SKIC8: variants seen among roughly 807,000 people sequenced by gnomAD.
The protein encoded by SKIC8 is SKI8 subunit of superkiller complex.
chr15:78,287,284 A>G, the SKIC8 span, among the ~76,000 whole-genome samples: 2 of 151,754 alleles, frequency 1.3e-5, no homozygotes, highest in South Asian at 2.1e-4. Flanking sequence ...ATAACTCTAT[A>G]GAGACATCTT....
At chr15:78,294,678 T>C in the SKIC8 span, 7 of 414,936 alleles carry the variant, frequency 1.7e-5, no homozygotes, top group Non-Finnish European at 2.6e-5. Flanking sequence ...AGCTCCATCA[T>C]GTCTTCCTCA....
chr15:78,293,314 C>T, the SKIC8 span: 7 of 1,548,372 alleles, frequency 4.5e-6, no homozygotes, highest in African/African-American at 1.4e-5. Context: ...TTCTTGCATA[C>T]GACTTAATGA....
the SKIC8 span, chr15:78,289,651 A>G: frequency 6.2e-7 from 1 of 1,614,172 alleles, no homozygotes; most frequent in Non-Finnish European, 8.5e-7. Flanking sequence ...TCCAGTTGCA[A>G]TATCAAAAAT....
At chr15:78,288,947 A>T in the SKIC8 span, 1 of 451,922 alleles carries the variant, frequency 2.2e-6, no homozygotes, top group East Asian at 7.0e-5. Flanking sequence ...AGTTGTTTCC[A>T]ATCACAAAGT....
At chr15:78,292,458 A>G in the SKIC8 span, 1 of 739,276 alleles carries the variant, frequency 1.4e-6, no homozygotes, top group Admixed American at 2.4e-5. Flanking sequence ...TGCTGTTTCC[A>G]GCCCCACTGA....
chr15:78,286,384 C>A, the SKIC8 span: 1 of 400,946 alleles, frequency 2.5e-6, no homozygotes, highest in Non-Finnish European at 4.5e-6. Flanking sequence ...CCTTCACAAG[C>A]AAAGAGCTGA....
At chr15:78,295,572 A>C in the SKIC8 span, 1 of 1,535,366 alleles carries the variant, frequency 6.5e-7, no homozygotes, top group South Asian at 1.1e-5. Flanking sequence ...GGAGCCAGGC[A>C]AGAATGAGAT....
the SKIC8 span, among the ~76,000 whole-genome samples, chr15:78,287,164 T>C: frequency 6.6e-6 from 1 of 152,218 alleles, no homozygotes; most frequent in Non-Finnish European, 1.5e-5. Context: ...TCTGTGCTGC[T>C]ACCTCATTGG....
chr15:78,285,058 A>G, the SKIC8 span: 1 of 563,058 alleles, frequency 1.8e-6, no homozygotes, highest in Non-Finnish European at 3.2e-6. Context: ...GTGAGTTGCT[A>G]GGCTGACAGC....
At chr15:78,290,060 T>C in the SKIC8 span, 3 of 1,613,980 alleles carry the variant, frequency 1.9e-6, no homozygotes, top group African/African-American at 2.7e-5. Context: ...TGTGGCCAGA[T>C]ACTGGGAATC....
At chr15:78,286,227 T>C in the SKIC8 span, 99 of 1,083,292 alleles carry the variant, frequency 9.1e-5, no homozygotes, top group African/African-American at 1.4e-3. Context: ...GCCAATAAGC[T>C]GGACCAAATC....
chr15:78,288,197 T>C, the SKIC8 span: 4 of 1,345,132 alleles, frequency 3.0e-6, no homozygotes, highest in Non-Finnish European at 4.2e-6. Context: ...TGAGCACAGG[T>C]CTTTACTAGG....
At chr15:78,293,125 C>A in the SKIC8 span, 1 of 1,570,298 alleles carries the variant, frequency 6.4e-7, no homozygotes, top group South Asian at 1.1e-5. Flanking sequence ...AAACCTCAGC[C>A]CCCAATTTTC....
chr15:78,288,159 C>G, the SKIC8 span: 7 of 894,704 alleles, frequency 7.8e-6, no homozygotes, highest in Non-Finnish European at 1.0e-5. Flanking sequence ...GGAGGACCGC[C>G]TGGGGAGTCA....
chr15:78,291,363 T>C, the SKIC8 span: 2 of 152,186 alleles, frequency 1.3e-5, no homozygotes, highest in African/African-American at 4.8e-5. Flanking sequence ...ACCATGCTTA[T>C]ATATTGGAGT....
chr15:78,292,583 C>T, the SKIC8 span: 3 of 1,613,540 alleles, frequency 1.9e-6, no homozygotes, highest in Non-Finnish European at 2.5e-6. Context: ...AATCATGAAC[C>T]TCTATTATCT....
chr15:78,283,812 G>A, the SKIC8 span: 1 of 218,046 alleles, frequency 4.6e-6, no homozygotes, highest in South Asian at 1.4e-4. Flanking sequence ...GAATCCTGAA[G>A]TGTAACCTAA....
At chr15:78,288,280 G>A in the SKIC8 span, 2 of 1,613,700 alleles carry the variant, frequency 1.2e-6, no homozygotes, top group Non-Finnish European at 1.7e-6. Context: ...TGCCTTTAAG[G>A]TAACTTACAC....
At chr15:78,297,854 A>G in the SKIC8 span, among the ~76,000 whole-genome samples, 1 of 152,248 alleles carries the variant, frequency 6.6e-6, no homozygotes, top group Non-Finnish European at 1.5e-5. Flanking sequence ...TTCCAATAAC[A>G]GGAAATCAAA....
Sources: allele counts gnomAD v4.1 joint callset (sites outside exome capture counted in the v4.1 genomes callset), GRCh38; gene constraint gnomAD v4.1.1; transcripts MANE v1.5; gene names NCBI Gene and HGNC (gene_info 2026-07-23, HGNC 2026-07-21).